JMJD1C: variants seen among roughly 807,000 people sequenced by gnomAD.
JMJD1C encodes jumonji domain containing 1C, also known as jumonji domain-containing protein 1C.
A neutral mutation model predicts 245.3 loss-of-function variants in JMJD1C; 31 were observed. That is an observed-to-expected ratio of 0.13 (90% confidence interval 0.09 to 0.17). The LOEUF (loss-of-function observed/expected upper bound fraction) is 0.17. Among genes scored for constraint, JMJD1C ranks in the 10% least tolerant of loss-of-function variants. JMJD1C has a pLI of 1.00. For missense variants in JMJD1C, 2,691 were observed against 3,000.2 expected (o/e 0.90, Z 2.41); for synonymous variants, 1,057 against 1,017.4 (o/e 1.04, Z -0.74).
intron 1 of JMJD1C, among the ~76,000 whole-genome samples, chr10:63,381,857 A>G (rs141674395): frequency 2.5e-3 from 378 of 152,314 alleles, no homozygotes; most frequent in Non-Finnish European, 4.1e-3. Flanking sequence ...TTCTAAATGT[A>G]CACTAAATAA....
rs191934714 is a variant in JMJD1C at position 63,184,930 on chromosome 10, C to T, written c.6831-192G>A. On this transcript the variant is annotated intron_variant, in intron 20 of 25. Coordinates refer to ENST00000399262, the MANE Select transcript of JMJD1C (RefSeq NM_032776.3). Reference sequence around the variant, plus strand: ...CTAACCATTAAACCATTAAAAAGCTCCAATAGAAGGGAGGTCCTAAACAGG... The same window carrying T: ...CTAACCATTAAACCATTAAAAAGCTTCAATAGAAGGGAGGTCCTAAACAGG... Among the ~76,000 whole-genome samples the T allele has an allele frequency of 2.0e-5, 3 of 152,272 alleles. No homozygotes were observed. In the East Asian group the frequency reaches 5.8e-4, roughly 29 times the overall value.
intron 3 of JMJD1C, among the ~76,000 whole-genome samples, chr10:63,223,462 A>G (rs979098479): frequency 1.3e-5 from 2 of 151,552 alleles, no homozygotes; most frequent in Admixed American, 1.3e-4. Context: ...TCCTGGACTC[A>G]AGCGATCTGC....
chr10:63,467,271 G>A (rs1358265617), upstream of JMJD1C, among the ~76,000 whole-genome samples: 1 of 152,136 alleles, frequency 6.6e-6, no homozygotes, highest in Non-Finnish European at 1.5e-5. Context: ...CACTTTAGGA[G>A]GCAGATCACC....
chr10:63,395,664 G>C (rs957358846), intron 1 of JMJD1C, among the ~76,000 whole-genome samples: 1 of 152,128 alleles, frequency 6.6e-6, no homozygotes, highest in Non-Finnish European at 1.5e-5. Flanking sequence ...AATGTTTAAA[G>C]CAGTTTTATT....
intron 3 of JMJD1C, among the ~76,000 whole-genome samples, chr10:63,236,479 G>A (rs1850747735): frequency 6.6e-6 from 1 of 152,158 alleles, no homozygotes; most frequent in South Asian, 2.1e-4. Context: ...TTTTATGGCA[G>A]TTCAAAAGTC....
At chr10:63,182,173 G>C (rs1395435349) in intron 22 of JMJD1C, among the ~76,000 whole-genome samples, 1 of 152,176 alleles carries the variant, frequency 6.6e-6, no homozygotes, top group East Asian at 1.9e-4. Flanking sequence ...TTCATGGCTG[G>C]ATGTCATCCA....
At position 63,177,963 on chromosome 10, in the gene JMJD1C, C is replaced by T; in HGVS notation, c.7085-107G>A. 2.5e-6 allele frequency: 3 copies of T among 1,212,740 alleles called. No individual in the cohort carries two copies. In the Admixed American group the frequency reaches 8.0e-5, roughly 32 times the overall value. The allele number at this position is 1,212,740 out of a possible 1,614,324, so 75.1% of individuals were successfully genotyped here. A position where few individuals can be genotyped will look rare whatever the true frequency, so the allele number is the denominator to read the frequency against. ...GCAGAGTGCCTGACTAGGATCAGTA[C>T]TTTTTCTTTTTTGGTCACCCAGGCT... On this transcript the variant is annotated intron_variant, in intron 22 of 25. Transcript: ENST00000399262.
At chr10:63,180,364 T>C (rs1843329368) in intron 22 of JMJD1C, among the ~76,000 whole-genome samples, 1 of 152,152 alleles carries the variant, frequency 6.6e-6, no homozygotes. Flanking sequence ...AGTTGGGAAT[T>C]AGAATTAAGA....
chr10:63,242,636 G>C (rs1469499934), intron 3 of JMJD1C, among the ~76,000 whole-genome samples: 2 of 152,200 alleles, frequency 1.3e-5, no homozygotes, highest in African/African-American at 4.8e-5. Flanking sequence ...TGAGGCAGGA[G>C]AATCACTTGA....
chr10:63,470,618 C>T (rs1413722051), upstream of JMJD1C, among the ~76,000 whole-genome samples: 1 of 152,162 alleles, frequency 6.6e-6, no homozygotes, highest in East Asian at 1.9e-4. Flanking sequence ...ATATCCAAAA[C>T]ACTAGTCTAT....
intron 2 of JMJD1C, among the ~76,000 whole-genome samples, chr10:63,292,569 CCA>C (rs1490410810): frequency 6.6e-6 from 1 of 152,064 alleles, no homozygotes; most frequent in African/African-American, 2.4e-5. Flanking sequence ...CGAGATCACG[CCA>C]CTGCACTCCA....
At chr10:63,378,395 T>A (rs1946943483) in intron 2 of JMJD1C, among the ~76,000 whole-genome samples, 1 of 151,946 alleles carries the variant, frequency 6.6e-6, no homozygotes, top group Non-Finnish European at 1.5e-5. Context: ...ATCGAGACCA[T>A]CCTGGCTAAC....
intron 3 of JMJD1C, among the ~76,000 whole-genome samples, chr10:63,243,107 A>ATATATATATATATT (rs1851706052): frequency 8.0e-6 from 1 of 125,534 alleles, no homozygotes. Flanking sequence ...CATAAATTAT[A>ATATATATATATATT]TATATATATA....
At chr10:63,430,059 T>TA (rs1431200255) in intron 1 of JMJD1C, among the ~76,000 whole-genome samples, 1 of 152,192 alleles carries the variant, frequency 6.6e-6, no homozygotes, top group Non-Finnish European at 1.5e-5. Context: ...AGCCACTTTT[T>TA]AAAAAAGTTG....
chr10:63,277,731 CTTTTTTTTTTTT>C (rs35442695), intron 2 of JMJD1C, among the ~76,000 whole-genome samples: 3 of 64,262 alleles, frequency 4.7e-5, no homozygotes, highest in African/African-American at 1.4e-4. Flanking sequence ...ATTTGCATTT[CTTTTTTTTTTTT>C]TTTTTTTTTT....
upstream of JMJD1C, among the ~76,000 whole-genome samples, chr10:63,468,816 A>G (rs758335732): frequency 3.9e-5 from 6 of 152,216 alleles, no homozygotes; most frequent in Non-Finnish European, 8.8e-5. Flanking sequence ...ACAAAAATTT[A>G]TTCATAAAAA....
At chr10:63,461,022 C>T (rs1952758751) in intron 1 of JMJD1C, among the ~76,000 whole-genome samples, 2 of 152,104 alleles carry the variant, frequency 1.3e-5, no homozygotes, top group African/African-American at 4.8e-5. Context: ...AAAACAACAG[C>T]CCCTTTAATT....
chr10:63,352,600 T>G (rs1316212634), intron 2 of JMJD1C, among the ~76,000 whole-genome samples: 1 of 137,062 alleles, frequency 7.3e-6, no homozygotes, highest in Non-Finnish European at 1.5e-5. Context: ...ATAGAGCCAC[T>G]GCACTCCAGC....
Position 63,207,481 on chromosome 10 carries a change from C to A in JMJD1C, c.4188G>T (p.Thr1396=). The change falls in exon 10 of 26, where the codon ACG becomes ACT. Residue 1396 remains threonine, a synonymous_variant. Transcript: ENST00000399262. ...SAVNTMCNTK[T]DVITSAADTT... is the part of the protein sequence containing the mutation. The stretch of plus-strand genomic sequence containing the variant: ...TATCGGCAGCAGATGTGATTACATC[C>A]GTTTTGGTATTACACATCGTATTTA... 1 of 1,614,172 alleles carries A rather than the reference C, an allele frequency of 6.2e-7. No homozygotes were observed. The highest frequency in any genetic ancestry group is 1.1e-5 in the South Asian group (1 of 91,080).
Sources: allele counts gnomAD v4.1 joint callset (sites outside exome capture counted in the v4.1 genomes callset), GRCh38; gene constraint gnomAD v4.1.1; transcripts MANE v1.5; gene names NCBI Gene and HGNC (gene_info 2026-07-23, HGNC 2026-07-21).